The following CAPN9 variants were observed in gnomAD, a reference collection of about 807,000 sequenced individuals.
CAPN9 encodes the protein calpain 9.
CAPN9 carries 81 observed loss-of-function variants against 92.8 expected under a neutral mutation model. The observed-to-expected ratio is 0.87, with a 90% CI of 0.73 to 1.05. The LOEUF is 1.05. Among genes scored for constraint, CAPN9 ranks in the 50% least tolerant of loss-of-function variants. The pLI is 0.00. For missense variants in CAPN9, 848 were observed against 866.2 expected, an observed-to-expected ratio of 0.98 and a Z score of 0.26; for synonymous variants, 304 against 328.0, an observed-to-expected ratio of 0.93 and a Z score of 0.79.
In CAPN9 at chr1:230,767,694, G is replaced by A; in HGVS notation, c.690G>A (p.Leu230=). 6.2e-7 allele frequency: 1 copy of A among 1,612,442 alleles called. No homozygotes were observed. The highest frequency in any genetic ancestry group is 2.2e-5 in the East Asian group (1 of 44,802). ...LEKALKRGSL[L]GCFIDTRSAA... ...AGGCTTTGAAGAGAGGCTCCCTGCT[G>A]GGCTGCTTCATTGATGTAAGTTGCT... Residue 230 remains leucine, a synonymous_variant, in exon 5 of 20, where the codon CTG becomes CTA. Transcript: ENST00000271971.
chr1:230,769,189 G>A lies in CAPN9; in HGVS notation c.715G>A (p.Ala239Thr), dbSNP rs28359647. The A allele has an allele frequency of 0.015, 24,112 of 1,613,474 alleles. 209 individuals are homozygous for A. The highest frequency in any genetic ancestry group is 0.017 in the Non-Finnish European group (20,371 of 1,179,390). The change falls in exon 6 of 20, where the codon GCT (alanine) becomes ACT (threonine). Residue 239 changes from alanine (A) to threonine (T), a missense_variant. Physicochemically the swap from Ala to Thr is moderately conservative, Grantham distance 58. Transcript: ENST00000271971. ...LLGCFIDTRSAAESEARTPFG... is the reference protein window; with the variant it reads ...LLGCFIDTRSTAESEARTPFG... The stretch of plus-strand genomic sequence containing the variant: ...TCTTTCCATGTTTTAGACCAGAAGT[G>A]CTGCAGAATCTGAGGCCCGGACGCC...
At position 230,787,385 on chromosome 1, in the gene CAPN9, A is replaced by G. The variant is rs953164878; in HGVS notation, c.1519-137A>G. On this transcript the variant is annotated intron_variant, in intron 12 of 19. Transcript: ENST00000271971. ...CATGAGAAAATGTTCCTCACGCTAC[A>G]GGACGCAGCTTGTGCACACTGCCTC... The G allele has an allele frequency of 4.5e-6, 3 of 659,676 alleles. No individual in the cohort carries two copies. In the South Asian group the frequency reaches 5.7e-5, roughly 12 times the overall value. 40.9% of individuals were successfully genotyped at this position (659,676 alleles called of 1,614,324 possible).
intron 1 of CAPN9, among the ~76,000 whole-genome samples, chr1:230,754,217 T>C (rs1384475142): frequency 6.6e-6 from 1 of 152,106 alleles, no homozygotes; most frequent in Non-Finnish European, 1.5e-5. Context: ...TCTCTCTTTG[T>C]TGTCGTCCAA....
intron 15 of CAPN9, among the ~76,000 whole-genome samples, 197 bp downstream of exon 15, chr1:230,792,125 T>C (rs1933635): frequency 0.57 from 86,109 of 151,806 alleles, 24,723 homozygotes; most frequent in Middle Eastern, 0.63. Flanking sequence ...CAAGACTGCC[T>C]AGTGGTGGGG....
intron 6 of CAPN9, among the ~76,000 whole-genome samples, chr1:230,770,635 A>G (rs1666330175): frequency 6.6e-6 from 1 of 152,176 alleles, no homozygotes; most frequent in South Asian, 2.1e-4. Context: ...GGTTAGGAGG[A>G]GAGATCCTTG....
chr1:230,764,366 C>T (rs1468182957), intron 4 of CAPN9, among the ~76,000 whole-genome samples: 1 of 152,236 alleles, frequency 6.6e-6, no homozygotes, highest in Non-Finnish European at 1.5e-5. Flanking sequence ...ATTGGAGCTC[C>T]TCGTTCTCAA....
At chr1:230,766,392 G>A (rs1665987063) in intron 4 of CAPN9, among the ~76,000 whole-genome samples, 1 of 152,202 alleles carries the variant, frequency 6.6e-6, no homozygotes, top group South Asian at 2.1e-4. Context: ...GATCAAATCA[G>A]GGTAATTGAG....
intron 1 of CAPN9, among the ~76,000 whole-genome samples, chr1:230,751,316 C>A (rs1211252337): frequency 2.0e-5 from 3 of 152,100 alleles, no homozygotes; most frequent in Admixed American, 6.5e-5. Context: ...GGGATCGGCA[C>A]ATAGCTATGA....
Position 230,755,432 on chromosome 1 carries a change from C to G in CAPN9, c.283+26C>G, listed in dbSNP as rs766094362. 5.1e-6 allele frequency: 8 copies of G among 1,568,990 alleles called. No individual in the cohort carries two copies. In the South Asian group the frequency reaches 5.8e-5, roughly 11 times the overall value. On this transcript the variant is annotated intron_variant, in intron 2 of 19. Coordinates refer to ENST00000271971, the MANE Select transcript of CAPN9 (RefSeq NM_006615.3). ...GTGAGTGTAAGTGGATGGAGCATGG[C>G]GAGAGGGAGGTTGAGTCACTGGGAC...
Position 230,755,376 on chromosome 1 carries a change from A to C in CAPN9, c.253A>C (p.Thr85Pro). The C allele has an allele frequency of 6.2e-7, 1 of 1,609,714 alleles. No homozygotes were observed. The highest frequency in any genetic ancestry group is 1.1e-5 in the South Asian group (1 of 90,134). ...KNPEFILGGATRTDICQGELG... is the reference protein window; with the variant it reads ...KNPEFILGGAPRTDICQGELG... ...CCCAGAATTCATTCTTGGAGGGGCC[A>C]CCAGGACTGATATCTGCCAGGGAGA... is the stretch of plus-strand genomic sequence containing the variant. The change falls in exon 2 of 20, where the codon ACC (threonine) becomes CCC (proline). Residue 85 changes from threonine (T) to proline (P), a missense_variant. By Grantham distance (38) the Thr-to-Pro change is conservative. Transcript: ENST00000271971.
chr1:230,788,563 AG>A (rs542315271), intron 13 of CAPN9, among the ~76,000 whole-genome samples: 96 of 152,274 alleles, frequency 6.3e-4, no homozygotes, highest in African/African-American at 2.3e-3. Flanking sequence ...GGTCACCTGG[AG>A]GGGTGATATC....
chr1:230,798,316 G>A, intron 19 of CAPN9, 96 bp downstream of exon 19: 1 of 783,780 alleles, frequency 1.3e-6, no homozygotes, highest in Non-Finnish European at 2.2e-6. Context: ...TTTCATGCAA[G>A]GGCTGACATC....
intron 4 of CAPN9, among the ~76,000 whole-genome samples, chr1:230,764,666 T>G (rs983283599): frequency 2.0e-5 from 3 of 152,224 alleles, no homozygotes; most frequent in African/African-American, 7.2e-5. Context: ...TTGCTAAAAT[T>G]GTTTCTTGTA....
intron 4 of CAPN9, among the ~76,000 whole-genome samples, chr1:230,765,183 A>G (rs1665894387): frequency 6.6e-6 from 1 of 151,096 alleles, no homozygotes; most frequent in African/African-American, 2.4e-5. Context: ...AGATCATCTT[A>G]TAGTGCCAGA....
intron 18 of CAPN9, among the ~76,000 whole-genome samples, chr1:230,796,602 C>A (rs2102940576): frequency 6.6e-6 from 1 of 152,216 alleles, no homozygotes; most frequent in African/African-American, 2.4e-5. Context: ...CCCAAAGGGT[C>A]TAGTATATCA....
In CAPN9 at chr1:230,762,669, A is replaced by G. The variant is rs764683351; in HGVS notation, c.419A>G (p.Glu140Gly). ...IFHFQFWQHSEWLDVVIDDRL... is the reference protein window; with the variant it reads ...IFHFQFWQHSGWLDVVIDDRL... ...GGGCAACAGTTCTGGCAGCACAGTG[A>G]GTGGCTGGACGTGGTGATCGATGAC... Residue 140 changes from glutamate to glycine, a missense_variant, in exon 4 of 20, where the codon GAG becomes GGG. Transcript: ENST00000271971. The G allele has an allele frequency of 1.9e-6, 3 of 1,614,058 alleles. No homozygotes were observed. Among genetic ancestry groups the G allele is most frequent in the Non-Finnish European group, 2.5e-6 (3 of 1,179,960 alleles).
intron 4 of CAPN9, among the ~76,000 whole-genome samples, chr1:230,763,094 T>A (rs767960090): frequency 2.0e-5 from 3 of 152,218 alleles, no homozygotes; most frequent in Non-Finnish European, 4.4e-5. Context: ...CAGCACTTAG[T>A]GCTTCACACT....
intron 11 of CAPN9, among the ~76,000 whole-genome samples, chr1:230,782,593 CAT>C (rs2102903377): frequency 6.6e-6 from 1 of 152,254 alleles, no homozygotes; most frequent in African/African-American, 2.4e-5. Flanking sequence ...AGCAAAAAAA[CAT>C]GATTGCATCA....
chr1:230,792,344 C>T, intron 15 of CAPN9, 82 bp from the exon 16 acceptor site: 12 of 1,205,246 alleles, frequency 1.0e-5, no homozygotes, highest in Non-Finnish European at 1.4e-5. Flanking sequence ...GGCCCTCCCC[C>T]TCTGCAGTCC....
Sources: allele counts gnomAD v4.1 joint callset (sites outside exome capture counted in the v4.1 genomes callset), GRCh38; gene constraint gnomAD v4.1.1; transcripts MANE v1.5; gene names NCBI Gene and HGNC (gene_info 2026-07-23, HGNC 2026-07-21).